The following RGL3 variants were observed in gnomAD, a reference collection of about 807,000 sequenced individuals.
The protein encoded by RGL3 is ral guanine nucleotide dissociation stimulator-like 3.
In RGL3, 85 loss-of-function variants were observed where a neutral mutation model predicts 90.6. That is an observed-to-expected ratio of 0.94 (90% CI 0.79 to 1.12). The LOEUF (loss-of-function observed/expected upper bound fraction) is 1.12. Among genes scored for constraint, RGL3 ranks in the 50% most tolerant of loss-of-function variants. RGL3 has a pLI of 0.00. For synonymous variants in RGL3, 408 were observed against 385.5 expected (o/e 1.06, Z -0.68); for missense variants, 1,034 against 939.2 (o/e 1.10, Z -1.32).
intron 5 of RGL3, among the ~76,000 whole-genome samples, chr19:11,413,521 C>T (rs560171337): frequency 8.6e-6 from 1 of 116,792 alleles, no homozygotes; most frequent in Non-Finnish European, 1.6e-5. Flanking sequence ...GGTGACAGAG[C>T]GAGGCTCCGT....
chr19:11,414,464 C>CATATAT (rs1226288918), intron 5 of RGL3, among the ~76,000 whole-genome samples: 807 of 43,236 alleles, frequency 0.019, 18 homozygotes, highest in Non-Finnish European at 0.025. Context: ...TATATACCTT[C>CATATAT]ATATATATAT....
In RGL3 at chr19:11,394,448, C is replaced by T. The variant is rs538082275; in HGVS notation, c.2087G>A (p.Arg696Gln). ...SPVAPRDFML[R>Q]RKEGTRNTLS... is the part of the protein sequence containing the mutation. ...AGTGTTCCGGGTCCCCTCTTTCCGC[C>T]GCAGCATGAAGTCTCTGGGGGCGAC... is the stretch of plus-strand genomic sequence containing the variant. The change falls in exon 19 of 19, where the codon CGG becomes CAG. Residue 696 changes from arginine (R) to glutamine (Q), a missense_variant. By Grantham distance (43) the Arg-to-Gln change is conservative (BLOSUM62 1). Coordinates refer to ENST00000380456, the MANE Select transcript of RGL3 (RefSeq NM_001035223.4). The T allele has an allele frequency of 8.1e-6, 13 of 1,613,886 alleles. No individual in the cohort carries two copies. The highest frequency in any genetic ancestry group is 1.6e-4 in the Middle Eastern group (1 of 6,062).
At chr19:11,417,366 T>C (rs1969021570) in intron 2 of RGL3, among the ~76,000 whole-genome samples, 1 of 151,462 alleles carries the variant, frequency 6.6e-6, no homozygotes, top group Non-Finnish European at 1.5e-5. Context: ...GTCAGACTGG[T>C]CTCGAACTCC....
intron 9 of RGL3, among the ~76,000 whole-genome samples, chr19:11,403,253 T>C (rs1343438459): frequency 2.7e-5 from 4 of 150,580 alleles, no homozygotes; most frequent in African/African-American, 9.7e-5. Flanking sequence ...GCCAGGATGG[T>C]CTCGATCTCC....
At chr19:11,397,161 C>A (rs1019446173) in intron 18 of RGL3, 83 bp downstream of exon 18, 2 of 1,175,628 alleles carry the variant, frequency 1.7e-6, no homozygotes, top group Non-Finnish European at 1.2e-6. Context: ...ACCCGGGTAA[C>A]CTTGGGCTCC....
At position 11,394,279 on chromosome 19, in the gene RGL3, C is replaced by T. The variant is rs1348650206; in HGVS notation, c.*123G>A. The T allele has an allele frequency of 4.0e-6, 3 of 752,732 alleles. No individual in the cohort carries two copies. Among genetic ancestry groups the T allele is most frequent in the Non-Finnish European group, 7.2e-6 (3 of 415,986 alleles). 46.6% of individuals were successfully genotyped at this position (752,732 alleles called of 1,614,324 possible). ...AAAAGAGATGGGGTCCAATGGGCTA[C>T]AGTTGGGTGGTGGTCCTGGGATACA... On this transcript the variant is annotated 3_prime_UTR_variant, in exon 19 of 19. Coordinates refer to ENST00000380456, the MANE Select transcript of RGL3 (RefSeq NM_001035223.4).
intron 5 of RGL3, among the ~76,000 whole-genome samples, chr19:11,413,548 A>C (rs1968907848): frequency 1.4e-5 from 2 of 147,974 alleles, no homozygotes; most frequent in Admixed American, 1.4e-4. Flanking sequence ...AAAAAAAAAA[A>C]AAAAAAAAGG....
intron 9 of RGL3, among the ~76,000 whole-genome samples, chr19:11,404,421 G>A (rs1968732928): frequency 2.6e-5 from 4 of 152,136 alleles, no homozygotes; most frequent in Admixed American, 2.6e-4. Flanking sequence ...AGCTACATGG[G>A]AGGCTGAGGC....
At chr19:11,401,892 G>A (rs1337083745) in intron 13 of RGL3, 119 bp downstream of exon 13, 7 of 1,296,226 alleles carry the variant, frequency 5.4e-6, no homozygotes, top group Admixed American at 2.4e-5. Context: ...TTGTAGTGGG[G>A]GATCAGGGCT....
chr19:11,400,537 A>G (rs1223170342), intron 13 of RGL3, among the ~76,000 whole-genome samples: 1 of 151,964 alleles, frequency 6.6e-6, no homozygotes, highest in African/African-American at 2.4e-5. Flanking sequence ...GCACTAAGGA[A>G]TCAAATTGGG....
rs1055571208 is a variant in RGL3 at position 11,399,509 on chromosome 19, C to T, written c.1746+346G>A. Among the ~76,000 whole-genome samples, 19 of 152,008 alleles carry T rather than the reference C, an allele frequency of 1.2e-4. 1 individual carries two copies. The highest frequency in any genetic ancestry group is 4.1e-4 in the African/African-American group (17 of 41,388). ...GAGCCTGGGGGAGGGGTGGAAGTTG[C>T]GGTGAGCTGAGATTGCACCGCTGCA... On this transcript the variant is annotated intron_variant, in intron 16 of 18. Transcript: ENST00000380456.
chr19:11,415,855 G>A (rs908400027), intron 5 of RGL3, 82 bp downstream of exon 5: 4 of 1,230,278 alleles, frequency 3.3e-6, no homozygotes, highest in East Asian at 2.5e-5. Flanking sequence ...TTGTAGCTCT[G>A]AGAGGGGAGA....
In RGL3 at chr19:11,397,332, G is replaced by A. The variant is rs775669383; in HGVS notation, c.1926C>T (p.Ser642=). 12 of 1,608,032 alleles carry A rather than the reference G, an allele frequency of 7.5e-6. No individual in the cohort carries two copies. In the Admixed American group the frequency reaches 8.4e-5, roughly 11 times the overall value. Residue 642 remains serine, a synonymous_variant, in exon 18 of 19, where the codon AGC becomes AGT. Coordinates refer to ENST00000380456, the MANE Select transcript of RGL3 (RefSeq NM_001035223.4). ...GCTTCTGCAAGGCTCGCCGGACCAC[G>A]CTGGGGGCTTTGTCCTGACTGGTCA... ...ILLTSQDKAP[S]VVRRALQKHN... is the part of the protein sequence containing the mutation.
At chr19:11,396,158 A>T (rs12165110) in intron 18 of RGL3, among the ~76,000 whole-genome samples, 1,933 of 25,578 alleles carry the variant, frequency 0.076, 86 homozygotes, top group Admixed American at 0.086. Flanking sequence ...ATATATATAT[A>T]TTTTTTTTTT....
intron 18 of RGL3, 102 bp from the exon 19 acceptor site, chr19:11,394,622 C>T: frequency 1.2e-6 from 1 of 811,038 alleles, no homozygotes; most frequent in South Asian, 1.5e-5. Flanking sequence ...ACCTGAACAG[C>T]CATGGGTCCC....
Position 11,416,815 on chromosome 19 carries a change from AG to A in RGL3, c.371+20del. ...TGGGGTTCTAGGGTGGAGAATACGG[AG>A]GTTATGGTTCGCTACTGACCCGGGA... On this transcript the variant is annotated intron_variant, in intron 3 of 18. Transcript: ENST00000380456. The A allele has an allele frequency of 6.2e-7, 1 of 1,611,724 alleles. No homozygotes were observed. The highest frequency in any genetic ancestry group is 8.5e-7 in the Non-Finnish European group (1 of 1,178,466).
chr19:11,404,308 A>C (rs528093367), intron 9 of RGL3, among the ~76,000 whole-genome samples: 30 of 151,942 alleles, frequency 2.0e-4, no homozygotes, highest in African/African-American at 6.0e-4. Context: ...CAGGTGGATC[A>C]CCTCAGGTCA....
intron 5 of RGL3, among the ~76,000 whole-genome samples, chr19:11,414,035 C>T (rs1480411159): frequency 1.4e-5 from 2 of 147,698 alleles, no homozygotes; most frequent in Non-Finnish European, 3.0e-5. Flanking sequence ...CATGAGCCGC[C>T]GCGCCCAGCC....
rs373806894 is a variant in RGL3, at chr19:11,406,754, C to T, written c.748G>A (p.Glu250Lys). 42 of 1,613,932 alleles carry T rather than the reference C, an allele frequency of 2.6e-5. No homozygotes were observed. Among genetic ancestry groups the T allele is most frequent in the Admixed American group, 2.5e-4 (15 of 59,998 alleles). ...GPQLLDFSVD[E>K]VAEQLTLIDL... is the part of the protein sequence containing the mutation. ...ATGAGGGTCAGCTGCTCGGCCACCT[C>T]GTCCACGCTGAAGTCCAGGAGCTGG... Residue 250 changes from glutamate (E) to lysine (K), a missense_variant, in exon 6 of 19, where the codon GAG becomes AAG. Glu to Lys is a moderately conservative substitution (Grantham distance 56, BLOSUM62 1). Transcript: ENST00000380456.
Sources: gnomAD v4.1 joint callset for allele counts (sites outside exome capture counted in the v4.1 genomes callset) on GRCh38, gnomAD v4.1.1 for gene constraint, MANE v1.5 for transcripts, NCBI Gene and HGNC (gene_info 2026-07-23, HGNC 2026-07-21) for gene names.